ADGRG4: variants seen among roughly 807,000 people sequenced by gnomAD.
ADGRG4 encodes G protein-coupled receptor 112.
Under a neutral mutation model 126.2 loss-of-function variants are expected in ADGRG4, and 122 were observed. The ratio of observed to expected loss-of-function variants is 0.97; its 90% confidence interval spans 0.83 to 1.12. ADGRG4 has a LOEUF of 1.12. ADGRG4 is among the 50% of genes most tolerant of loss of function. ADGRG4 has a pLI of 0.00. For synonymous variants in ADGRG4, 943 were observed against 838.7 expected (o/e 1.12, Z -2.15); for missense variants, 2,481 against 2,251.8 (o/e 1.10, Z -2.06).
intron 19 of ADGRG4, 92 bp from the exon 20 acceptor site, chrX:136,397,788 AT>A: frequency 1.1e-6 from 1 of 870,068 alleles, no homozygotes; most frequent in Non-Finnish European, 1.7e-6. Context: ...AATGTTATAC[AT>A]CCTGGGAACT....
chrX:136,346,722 G>T lies in ADGRG4; in HGVS notation c.3016G>T (p.Ala1006Ser). Reference sequence around the variant, plus strand: ...ACAGCCTACAGCTGCTCATTCCTCAGCAACCCCTGTGCCTGTTACTCATAT... The same window carrying T: ...ACAGCCTACAGCTGCTCATTCCTCATCAACCCCTGTGCCTGTTACTCATAT... The part of the protein sequence containing the change: ...PPQPTAAHSS[A>S]TPVPVTHMFS... Residue 1006 changes from alanine to serine, a missense_variant, in exon 6 of 26, where the codon GCA becomes TCA. Ala to Ser is a moderately conservative substitution (Grantham distance 99). Coordinates refer to ENST00000394143, the MANE Select transcript of ADGRG4 (RefSeq NM_153834.4). 1 of 1,210,042 alleles carries T rather than the reference G, an allele frequency of 8.3e-7. No individual in the cohort carries two copies. Among genetic ancestry groups the T allele is most frequent in the Non-Finnish European group, 1.1e-6 (1 of 894,430 alleles).
chrX:136,405,038 G>A (rs1335573088), intron 22 of ADGRG4, among the ~76,000 whole-genome samples: 2 of 112,034 alleles, frequency 1.8e-5, no homozygotes, highest in African/African-American at 6.5e-5. Context: ...CTGTTCATAT[G>A]AATCACTGCA....
At chrX:136,362,081 A>G (rs1250160698) in intron 12 of ADGRG4, among the ~76,000 whole-genome samples, 1 of 111,967 alleles carries the variant, frequency 8.9e-6, no homozygotes, top group Non-Finnish European at 1.9e-5. Flanking sequence ...ATAGTAATTT[A>G]CTAAATCACT....
In ADGRG4 at chrX:136,346,465, C is replaced by T. The variant is rs2075017976; in HGVS notation, c.2759C>T (p.Pro920Leu). ...WLLTKLVKTTPRSSYNEMTEM... is the reference protein window; with the variant it reads ...WLLTKLVKTTLRSSYNEMTEM... ...TTGACAAAATTGGTGAAAACCACAC[C>T]TAGGAGTTCATACAATGAAATGACA... The change falls in exon 6 of 26, where the codon CCT becomes CTT. Residue 920 changes from proline to leucine, a missense_variant. Transcript: ENST00000394143. 8.3e-7 allele frequency: 1 copy of T among 1,211,030 alleles called. No homozygotes were observed. Among genetic ancestry groups the T allele is most frequent in the Non-Finnish European group, 1.1e-6 (1 of 894,875 alleles).
intron 24 of ADGRG4, among the ~76,000 whole-genome samples, chrX:136,412,810 T>C (rs2075453328): frequency 8.9e-6 from 1 of 112,196 alleles, no homozygotes; most frequent in Admixed American, 9.4e-5. Flanking sequence ...ACAGGTGTAC[T>C]GATGGCCCAC....
chrX:136,310,308 C>T (rs1029963248), intron 4 of ADGRG4, among the ~76,000 whole-genome samples: 4 of 109,800 alleles, frequency 3.6e-5, no homozygotes, highest in Non-Finnish European at 5.7e-5. Flanking sequence ...CCACCATGCC[C>T]GGCTAATTTT....
At chrX:136,359,591 G>T (rs936911039) in intron 11 of ADGRG4, 136 bp downstream of exon 11, 3 of 490,850 alleles carry the variant, frequency 6.1e-6, no homozygotes, top group Middle Eastern at 6.1e-4. Flanking sequence ...TCATATTCTT[G>T]GTACCCACTT....
At chrX:136,398,946 G>T (rs1328401508) in intron 20 of ADGRG4, among the ~76,000 whole-genome samples, 1 of 112,389 alleles carries the variant, frequency 8.9e-6, no homozygotes, top group Non-Finnish European at 1.9e-5. Flanking sequence ...CTACACAGCA[G>T]TAAAAAATGA....
At position 136,345,144 on chromosome X, in the gene ADGRG4, G is replaced by A. The variant is rs746642600; in HGVS notation, c.1438G>A (p.Val480Ile). The change falls in exon 6 of 26, where the codon GTA becomes ATA. Residue 480 changes from valine to isoleucine, a missense_variant. Coordinates refer to ENST00000394143, the MANE Select transcript of ADGRG4 (RefSeq NM_153834.4). Reference sequence around the variant, plus strand: ...TGTGCTCATCTCCACAGCTGCTCCAGTAGATTCTGTATTTCCTAGAAACCA... The same window carrying A: ...TGTGCTCATCTCCACAGCTGCTCCAATAGATTCTGTATTTCCTAGAAACCA... ...EPVLISTAAP[V>I]DSVFPRNQTA... 1 of 1,209,696 alleles carries A rather than the reference G, an allele frequency of 8.3e-7. No individual in the cohort carries two copies. Among genetic ancestry groups the A allele is most frequent in the Non-Finnish European group, 1.1e-6 (1 of 894,911 alleles).
In ADGRG4 at chrX:136,305,418, G is replaced by A. The variant is rs186222774; in HGVS notation, c.-10+395G>A. Among the ~76,000 whole-genome samples, 7 of 111,491 alleles carry A rather than the reference G, an allele frequency of 6.3e-5. No individual in the cohort carries two copies. In the Admixed American group the frequency reaches 6.7e-4, roughly 11 times the overall value. ...AGTCATTCTACCCTTGGGACCCCAG[G>A]GGCCTCACCTGTAAAGTTCAGAGGC... On this transcript the variant is annotated intron_variant, in intron 3 of 25. Coordinates refer to ENST00000394143, the MANE Select transcript of ADGRG4 (RefSeq NM_153834.4).
chrX:136,381,952 T>C (rs1399525838), intron 15 of ADGRG4, among the ~76,000 whole-genome samples: 1 of 111,411 alleles, frequency 9.0e-6, no homozygotes, highest in African/African-American at 3.3e-5. Flanking sequence ...GCTGATTAGA[T>C]AGATGGTGTC....
At chrX:136,334,465 T>C (rs370674029) in intron 5 of ADGRG4, among the ~76,000 whole-genome samples, 44 of 112,042 alleles carry the variant, frequency 3.9e-4, no homozygotes, top group African/African-American at 1.4e-3. Context: ...TTTTAGACTA[T>C]GCTTGTCTGT....
At chrX:136,309,406 A>G (rs2074754064) in intron 4 of ADGRG4, among the ~76,000 whole-genome samples, 1 of 112,533 alleles carries the variant, frequency 8.9e-6, no homozygotes, top group South Asian at 3.7e-4. Flanking sequence ...GTAGATAATT[A>G]AGACAATTCA....
At chrX:136,371,634 A>T in intron 14 of ADGRG4, 90 bp downstream of exon 14, 1 of 493,653 alleles carries the variant, frequency 2.0e-6, no homozygotes, top group Non-Finnish European at 3.3e-6. Context: ...GCATTTGTCA[A>T]TTCAAACAAC....
At position 136,414,175 on chromosome X, in the gene ADGRG4, G is replaced by A; in HGVS notation, c.9053G>A (p.Cys3018Tyr). 1 of 1,196,995 alleles carries A rather than the reference G, an allele frequency of 8.4e-7. No individual in the cohort carries two copies. Among genetic ancestry groups the A allele is most frequent in the Non-Finnish European group, 1.1e-6 (1 of 888,438 alleles). Residue 3018 changes from cysteine to tyrosine, a missense_variant, in exon 25 of 26, where the codon TGT (cysteine) becomes TAT (tyrosine). Transcript: ENST00000394143. ...LDNSSDGSSR[C>Y]QIKVGYKQEG... ...ATCATTTCAGATGGGAGCAGCCGGT[G>A]TCAGATAAAGGTTGGATATAAACAG...
chrX:136,394,813 T>G (rs2075337953), intron 18 of ADGRG4, among the ~76,000 whole-genome samples: 1 of 111,785 alleles, frequency 8.9e-6, no homozygotes, highest in Non-Finnish European at 1.9e-5. Flanking sequence ...AAATCTGATC[T>G]AGTACCTGAG....
chrX:136,411,325 C>T (rs937931390), intron 23 of ADGRG4, among the ~76,000 whole-genome samples: 5 of 112,815 alleles, frequency 4.4e-5, no homozygotes, highest in Non-Finnish European at 7.5e-5. Context: ...GCTGGGATTA[C>T]AGGCGTGAGA....
rs1253732239 is a variant in ADGRG4 at position 136,346,447 on chromosome X, A to T, written c.2741A>T (p.Lys914Ile). Residue 914 changes from lysine (K) to isoleucine (I), a missense_variant, in exon 6 of 26, where the codon AAA becomes ATA. Coordinates refer to ENST00000394143, the MANE Select transcript of ADGRG4 (RefSeq NM_153834.4). The stretch of plus-strand genomic sequence containing the variant: ...GTGAGAGAAAGTTGGCTTTTGACAA[A>T]ATTGGTGAAAACCACACCTAGGAGT... Reference protein sequence around the residue: ...TEVRESWLLTKLVKTTPRSSY... With the variant: ...TEVRESWLLTILVKTTPRSSY... 1 of 1,210,034 alleles carries T rather than the reference A, an allele frequency of 8.3e-7. No homozygotes were observed. The highest frequency in any genetic ancestry group is 1.1e-6 in the Non-Finnish European group (1 of 894,999).
intron 15 of ADGRG4, among the ~76,000 whole-genome samples, chrX:136,382,050 G>A (rs1439446659): frequency 1.8e-5 from 2 of 111,180 alleles, no homozygotes; most frequent in Non-Finnish European, 3.8e-5. Context: ...ACACACCCAG[G>A]ATCAATACTC....
Sources: allele counts gnomAD v4.1 joint callset (sites outside exome capture counted in the v4.1 genomes callset), GRCh38; gene constraint gnomAD v4.1.1; transcripts MANE v1.5; gene names NCBI Gene and HGNC (gene_info 2026-07-23, HGNC 2026-07-21).